The following SPOCK1 variants were observed in gnomAD, a reference collection of about 807,000 sequenced individuals.
The protein encoded by SPOCK1 is SPARC (osteonectin), cwcv and kazal like domains proteoglycan 1.
In SPOCK1, 23 loss-of-function variants were observed where a neutral mutation model predicts 55.3. That is an observed-to-expected ratio of 0.42 (90% CI 0.30 to 0.59). SPOCK1 has a LOEUF of 0.59. Among genes scored for constraint, SPOCK1 ranks in the 20% least tolerant of loss-of-function variants. The pLI, the probability that SPOCK1 is intolerant of heterozygous loss-of-function variation, is 0.22. For synonymous variants in SPOCK1, 226 were observed against 221.0 expected, an observed-to-expected ratio of 1.02 and a Z score of -0.20; for missense variants, 499 against 552.5, an observed-to-expected ratio of 0.90 and a Z score of 0.97.
At chr5:137,160,001 G>T (rs1450411066) in intron 3 of SPOCK1, among the ~76,000 whole-genome samples, 2 of 151,984 alleles carry the variant, frequency 1.3e-5, no homozygotes, top group African/African-American at 4.8e-5. Context: ...AGGGACTGGT[G>T]GTGTATGGTA....
intron 2 of SPOCK1, among the ~76,000 whole-genome samples, chr5:137,278,039 T>C (rs1301487301): frequency 2.0e-5 from 3 of 152,202 alleles, no homozygotes; most frequent in Non-Finnish European, 4.4e-5. Context: ...ATCATCTCTC[T>C]GGAAAACTAT....
intron 4 of SPOCK1, among the ~76,000 whole-genome samples, chr5:137,135,319 G>A (rs749602482): frequency 6.6e-6 from 1 of 152,048 alleles, no homozygotes; most frequent in African/African-American, 2.4e-5. Context: ...TCTGCCCCAC[G>A]ATCTCCCACC....
chr5:137,498,297 CACA>C, intron 2 of SPOCK1, 73 bp downstream of exon 2: 12 of 1,395,298 alleles, frequency 8.6e-6, no homozygotes, highest in East Asian at 2.6e-5. Context: ...CACACACACA[CACA>C]CCCCAACCCC....
chr5:137,391,668 C>T (rs1250947390), intron 2 of SPOCK1, among the ~76,000 whole-genome samples: 7 of 152,174 alleles, frequency 4.6e-5, no homozygotes, highest in Non-Finnish European at 7.4e-5. Context: ...CGTCTCTCCC[C>T]GCTCCCCTCC....
At chr5:137,060,628 G>T (rs934148784) in intron 6 of SPOCK1, among the ~76,000 whole-genome samples, 1 of 115,744 alleles carries the variant, frequency 8.6e-6, no homozygotes, top group African/African-American at 2.5e-5. Flanking sequence ...TGTTAATTTT[G>T]TACATAAAAA....
chr5:137,111,748 G>A (rs545954541), intron 5 of SPOCK1, among the ~76,000 whole-genome samples: 65 of 152,130 alleles, frequency 4.3e-4, no homozygotes, highest in African/African-American at 1.5e-3. Context: ...TAGGTGAAAT[G>A]CCCCTCTAGA....
Position 137,123,648 on chromosome 5 carries a change from A to G in SPOCK1, c.348-11087T>C, listed in dbSNP as rs1753725642. On this transcript the variant is annotated intron_variant, in intron 4 of 10. Coordinates refer to ENST00000394945, the MANE Select transcript of SPOCK1 (RefSeq NM_004598.4). The stretch of plus-strand genomic sequence containing the variant: ...AAGAAAAAGCCTTTTGACTCAACCT[A>G]AGGAAGATAACCCAAACATGACATA... Among the ~76,000 whole-genome samples, 3 of 152,124 alleles carry G rather than the reference A, an allele frequency of 2.0e-5. No individual in the cohort carries two copies. In the South Asian group the frequency reaches 6.2e-4, roughly 32 times the overall value.
chr5:137,097,230 G>C (rs1753167629), intron 5 of SPOCK1, among the ~76,000 whole-genome samples: 2 of 152,070 alleles, frequency 1.3e-5, no homozygotes, highest in Admixed American at 1.3e-4. Flanking sequence ...TGAATAGAGG[G>C]GCTGCTTTTG....
At chr5:137,446,688 T>C (rs1753136806) in intron 2 of SPOCK1, among the ~76,000 whole-genome samples, 1 of 152,194 alleles carries the variant, frequency 6.6e-6, no homozygotes, top group South Asian at 2.1e-4. Context: ...AAATTTACCA[T>C]TGTAAATTTT....
In SPOCK1 at chr5:137,371,843, C is replaced by T. The variant is rs78447985; in HGVS notation, c.187-104788G>A. On this transcript the variant is annotated intron_variant, in intron 2 of 10. Transcript: ENST00000394945. ...ACCATTCATCTATTCACCCATTTAA[C>T]CCTCACAGCAACCCATGAAGAAGGA... Among the ~76,000 whole-genome samples, 1,058 of 152,286 alleles carry T rather than the reference C, an allele frequency of 6.9e-3. 8 individuals carry two copies. Among genetic ancestry groups the T allele is most frequent in the Non-Finnish European group, 0.011 (768 of 68,026 alleles).
chr5:137,375,091 A>T (rs984945654), intron 2 of SPOCK1, among the ~76,000 whole-genome samples: 8 of 152,214 alleles, frequency 5.3e-5, no homozygotes, highest in African/African-American at 1.2e-4. Context: ...GCTAATTTTT[A>T]AAAAAATCAT....
At chr5:137,207,576 G>A (rs1464730415) in intron 3 of SPOCK1, among the ~76,000 whole-genome samples, 1 of 152,136 alleles carries the variant, frequency 6.6e-6, no homozygotes, top group Non-Finnish European at 1.5e-5. Flanking sequence ...GGTAAATGGA[G>A]ACACCACTGT....
chr5:137,021,341 C>T (rs1211023781), intron 6 of SPOCK1, among the ~76,000 whole-genome samples: 1 of 151,950 alleles, frequency 6.6e-6, no homozygotes, highest in Admixed American at 6.6e-5. Context: ...TTAAGGGATG[C>T]AAATATGTGC....
intron 2 of SPOCK1, among the ~76,000 whole-genome samples, chr5:137,461,681 GA>G (rs1753493053): frequency 6.6e-6 from 1 of 152,202 alleles, no homozygotes; most frequent in African/African-American, 2.4e-5. Flanking sequence ...GAGGCTTTAT[GA>G]AAAGCAGAGC....
At chr5:137,434,480 CTTTTTTTTTTTTTTT>C (rs146762668) in intron 2 of SPOCK1, among the ~76,000 whole-genome samples, 4 of 68,188 alleles carry the variant, frequency 5.9e-5, no homozygotes, top group African/African-American at 1.2e-4. Context: ...TCTTTTTTTT[CTTTTTTTTTTTTTTT>C]TTTTTTTTTT....
intron 2 of SPOCK1, among the ~76,000 whole-genome samples, chr5:137,338,430 T>G (rs894180609): frequency 7.9e-5 from 12 of 152,098 alleles, no homozygotes; most frequent in African/African-American, 2.9e-4. Flanking sequence ...GATGGACATT[T>G]GGGTTGGTTC....
intron 2 of SPOCK1, among the ~76,000 whole-genome samples, chr5:137,403,966 C>T (rs962196363): frequency 6.6e-6 from 1 of 152,134 alleles, no homozygotes; most frequent in African/African-American, 2.4e-5. Flanking sequence ...TGAGCATTGA[C>T]TCAGGCTGGG....
rs566861274 is a variant in SPOCK1 at position 136,990,372 on chromosome 5, A to G, written c.707-1729T>C. On this transcript the variant is annotated intron_variant, in intron 7 of 10. Transcript: ENST00000394945. Reference sequence around the variant, plus strand: ...AACTATAGGCTCCCTGAGGGAAAAGACTGTCTTGTCCCCTTCAGCAGCCTC... The same window carrying G: ...AACTATAGGCTCCCTGAGGGAAAAGGCTGTCTTGTCCCCTTCAGCAGCCTC... Among the ~76,000 whole-genome samples, 136 of 151,934 alleles carry G rather than the reference A, an allele frequency of 9.0e-4. 1 individual carries two copies. Among genetic ancestry groups the G allele is most frequent in the African/African-American group, 3.1e-3 (128 of 41,428 alleles).
chr5:136,984,314 C>CAAATGAATAGAGAAACTTCT (rs879629616), intron 9 of SPOCK1, among the ~76,000 whole-genome samples: 13 of 152,166 alleles, frequency 8.5e-5, no homozygotes, highest in African/African-American at 1.2e-4. Context: ...TCATTTCCTT[C>CAAATGAATAGAGAAACTTCT]AAATGAATAG....
Sources: allele counts gnomAD v4.1 joint callset (sites outside exome capture counted in the v4.1 genomes callset), GRCh38; gene constraint gnomAD v4.1.1; transcripts MANE v1.5; gene names NCBI Gene and HGNC (gene_info 2026-07-23, HGNC 2026-07-21).